Variants in HSD17B12 observed in about 807,000 individuals in gnomAD.
HSD17B12 encodes very-long-chain 3-oxoacyl-CoA reductase.
HSD17B12 carries 32 observed loss-of-function variants against 39.3 expected under a neutral mutation model. That is an observed-to-expected ratio of 0.81 (90% confidence interval 0.61 to 1.09). The LOEUF is 1.09. HSD17B12 is among the 50% of genes least tolerant of loss of function. The pLI is 0.00. For missense variants in HSD17B12, 342 were observed against 382.9 expected (o/e 0.89, Z 0.89); for synonymous variants, 150 against 146.7 (o/e 1.02, Z -0.16).
At chr11:43,765,080 T>A (rs778734430) in intron 3 of HSD17B12, among the ~76,000 whole-genome samples, 38 of 152,128 alleles carry the variant, frequency 2.5e-4, no homozygotes, top group Non-Finnish European at 4.9e-4. Context: ...TTCTTTCTTT[T>A]AAAAGTCTTA....
At chr11:43,743,629 C>G (rs888747419) in intron 1 of HSD17B12, among the ~76,000 whole-genome samples, 1 of 152,070 alleles carries the variant, frequency 6.6e-6, no homozygotes, top group Non-Finnish European at 1.5e-5. Flanking sequence ...TAATAACTGC[C>G]CAGCAGCCAG....
the HSD17B12 span, among the ~76,000 whole-genome samples, chr11:43,635,651 G>A: frequency 6.6e-6 from 1 of 152,232 alleles, no homozygotes; most frequent in Non-Finnish European, 1.5e-5. Flanking sequence ...GAACTTGAAA[G>A]AGAAGTTAGA....
the HSD17B12 span, among the ~76,000 whole-genome samples, chr11:43,654,804 T>C: frequency 6.6e-6 from 1 of 152,210 alleles, no homozygotes; most frequent in South Asian, 2.1e-4. Context: ...TGTAGCCTTG[T>C]AATATAGTTT....
chr11:43,615,164 T>A, the HSD17B12 span, among the ~76,000 whole-genome samples: 1 of 152,178 alleles, frequency 6.6e-6, no homozygotes, highest in Non-Finnish European at 1.5e-5. Flanking sequence ...GTTTTTAAAG[T>A]TTTTAGGTGG....
intron 1 of HSD17B12, among the ~76,000 whole-genome samples, chr11:43,738,473 G>T (rs939603566): frequency 1.3e-5 from 2 of 150,530 alleles, no homozygotes; most frequent in Non-Finnish European, 2.9e-5. Context: ...CAAATCTACA[G>T]GTTTATCATA....
chr11:43,581,250 A>T, the HSD17B12 span: 1 of 452,604 alleles, frequency 2.2e-6, no homozygotes, highest in East Asian at 7.0e-5. The surrounding 1 kb of genome is among the most constrained non-coding windows in gnomAD (Gnocchi z 4.9). Flanking sequence ...ACACGAGTCC[A>T]GGGGCGCGGA....
the HSD17B12 span, among the ~76,000 whole-genome samples, chr11:43,580,458 G>A: frequency 6.6e-6 from 1 of 152,146 alleles, no homozygotes; most frequent in Non-Finnish European, 1.5e-5. Context: ...GACGGTTTCG[G>A]GGAGGATGCG....
In HSD17B12 at chr11:43,845,230, C is replaced by T. The variant is rs539867015; in HGVS notation, c.684+5166C>T. ...AACTCCTGAGCTCAAGTAATTCTCC[C>T]GCATTGGCTTCCCAAAGTGCTGAGA... is the stretch of plus-strand genomic sequence containing the variant. On this transcript the variant is annotated intron_variant, in intron 9 of 10. Coordinates refer to ENST00000278353, the MANE Select transcript of HSD17B12 (RefSeq NM_016142.3). 4.6e-5 allele frequency among the ~76,000 whole-genome samples: 7 copies of T among 152,316 alleles called. No individual in the cohort carries two copies. In the South Asian group the frequency reaches 8.3e-4, roughly 18 times the overall value.
chr11:43,649,168 A>ATTT, the HSD17B12 span, among the ~76,000 whole-genome samples: 1 of 151,508 alleles, frequency 6.6e-6, no homozygotes, highest in African/African-American at 2.4e-5. Flanking sequence ...TTATAAGGGG[A>ATTT]GAAAAGGGCC....
chr11:43,794,302 AT>A (rs1950896384), intron 3 of HSD17B12, among the ~76,000 whole-genome samples: 1 of 152,192 alleles, frequency 6.6e-6, no homozygotes, highest in Non-Finnish European at 1.5e-5. Context: ...CAACCACAAG[AT>A]TTTACTGTGA....
chr11:43,765,882 G>A (rs773751482), intron 3 of HSD17B12, among the ~76,000 whole-genome samples: 5 of 151,988 alleles, frequency 3.3e-5, no homozygotes, highest in Admixed American at 2.0e-4. Flanking sequence ...TGCCCAGGAC[G>A]GACTGCAGTG....
chr11:43,628,520 CA>C, the HSD17B12 span, among the ~76,000 whole-genome samples: 1 of 152,058 alleles, frequency 6.6e-6, no homozygotes, highest in Non-Finnish European at 1.5e-5. Flanking sequence ...ATTTTGTCTG[CA>C]GAGCTGTGTT....
intron 10 of HSD17B12, 109 bp from the exon 11 acceptor site, chr11:43,855,035 A>G (rs1951569467): frequency 2.8e-6 from 3 of 1,078,316 alleles, no homozygotes; most frequent in Non-Finnish European, 4.0e-6. Flanking sequence ...GAACTTTAAA[A>G]TCTACCTATA....
chr11:43,673,493 T>TC, the HSD17B12 span: 1 of 23,660 alleles, frequency 4.2e-5, no homozygotes, highest in South Asian at 1.7e-3. Context: ...TTTTCTTTTC[T>TC]TTTTTTTTTT....
intron 1 of HSD17B12, among the ~76,000 whole-genome samples, chr11:43,694,969 A>G (rs1485615815): frequency 6.6e-6 from 1 of 152,046 alleles, no homozygotes. Context: ...GAGGTCAAGA[A>G]GCTCTAGACC....
At chr11:43,812,982 C>T (rs1291816597) in intron 4 of HSD17B12, among the ~76,000 whole-genome samples, 1 of 152,136 alleles carries the variant, frequency 6.6e-6, no homozygotes. Context: ...GCTGGGACTA[C>T]AGGCACGTGC....
intron 1 of HSD17B12, among the ~76,000 whole-genome samples, chr11:43,693,315 A>G (rs1225037261): frequency 1.3e-5 from 2 of 152,234 alleles, no homozygotes; most frequent in Non-Finnish European, 2.9e-5. Context: ...GAGGTGATTT[A>G]GTGATAGTGA....
At chr11:43,668,706 A>G in the HSD17B12 span, among the ~76,000 whole-genome samples, 1 of 152,022 alleles carries the variant, frequency 6.6e-6, no homozygotes, top group Admixed American at 6.6e-5. Flanking sequence ...CAATAATATT[A>G]TTATATATAT....
intron 1 of HSD17B12, among the ~76,000 whole-genome samples, chr11:43,716,329 C>T (rs1950122860): frequency 1.3e-5 from 2 of 152,144 alleles, no homozygotes; most frequent in South Asian, 4.1e-4. Context: ...AGTTGGTATG[C>T]TTTTCTGAAT....
Sources: allele counts gnomAD v4.1 joint callset (sites outside exome capture counted in the v4.1 genomes callset), GRCh38; gene constraint gnomAD v4.1.1; non-coding constraint Gnocchi (gnomAD v3.1); transcripts MANE v1.5; gene names NCBI Gene and HGNC (gene_info 2026-07-23, HGNC 2026-07-21).